The following GNB1L variants were observed in gnomAD, a reference collection of about 807,000 sequenced individuals.
GNB1L encodes the protein guanine nucleotide-binding protein subunit beta-like protein 1.
Under a neutral mutation model 29.1 loss-of-function variants are expected in GNB1L, and 20 were observed. That is an observed-to-expected ratio of 0.69 (90% confidence interval 0.48 to 1.00). The LOEUF (loss-of-function observed/expected upper bound fraction) is 1.00. GNB1L is among the 50% of genes least tolerant of loss of function. The pLI is 0.00. For missense variants in GNB1L, 421 were observed against 464.9 expected, an observed-to-expected ratio of 0.91 and a Z score of 0.87; for synonymous variants, 193 against 206.5, an observed-to-expected ratio of 0.93 and a Z score of 0.56.
At chr22:19,805,607 C>T (rs1435677703) in intron 6 of GNB1L, among the ~76,000 whole-genome samples, 1 of 152,062 alleles carries the variant, frequency 6.6e-6, no homozygotes, top group Non-Finnish European at 1.5e-5. Flanking sequence ...ATGGTGAAAC[C>T]CCGGCTCTAC....
chr22:19,850,966 A>T (rs1037899048), intron 2 of GNB1L: 2 of 1,385,998 alleles, frequency 1.4e-6, no homozygotes, highest in Non-Finnish European at 1.9e-6. Flanking sequence ...GGGAAAGGGC[A>T]CAGGGCGGAG....
chr22:19,850,972 C>G lies in GNB1L; in HGVS notation c.-21+3471G>C. On this transcript the variant is annotated intron_variant, in intron 2 of 7. Coordinates refer to ENST00000329517, the MANE Select transcript of GNB1L (RefSeq NM_053004.3). Reference sequence around the variant, plus strand: ...CCAGCAGCAGGGAAAGGGCACAGGGCGGAGGTCAAGCTCTGCTGGAGTTGG... The same window carrying G: ...CCAGCAGCAGGGAAAGGGCACAGGGGGGAGGTCAAGCTCTGCTGGAGTTGG... The G allele has an allele frequency of 2.8e-6, 4 of 1,404,948 alleles. No individual in the cohort carries two copies. In the South Asian group the frequency reaches 6.9e-5, roughly 24 times the overall value. The allele number at this position is 1,404,948 out of a possible 1,614,324, so 87.0% of individuals were successfully genotyped here.
chr22:19,792,967 A>G, intron 7 of GNB1L: 1 of 1,465,706 alleles, frequency 6.8e-7, no homozygotes, highest in Non-Finnish European at 9.4e-7. Context: ...ATCAGGACCA[A>G]TTACAATGAC....
chr22:19,814,976 C>T (rs779333850), intron 4 of GNB1L, among the ~76,000 whole-genome samples: 10 of 151,516 alleles, frequency 6.6e-5, no homozygotes, highest in Non-Finnish European at 1.5e-4. Context: ...ATTGAGGCTG[C>T]TGTGAGCTGT....
chr22:19,829,213 G>A (rs1937647062), intron 2 of GNB1L, among the ~76,000 whole-genome samples: 1 of 152,122 alleles, frequency 6.6e-6, no homozygotes, highest in African/African-American at 2.4e-5. Flanking sequence ...CAACCAACAA[G>A]GTAGATACTA....
rs151279440 is a variant in GNB1L at position 19,822,504 on chromosome 22, T to C, written c.-20-1129A>G. On this transcript the variant is annotated intron_variant, in intron 2 of 7. Coordinates refer to ENST00000329517, the MANE Select transcript of GNB1L (RefSeq NM_053004.3). ...CTGGAGCCAGAAGCGACCAGCTCCATGTCTGTCTGCCTGCAGACCCTGAGC... is the reference window on the plus strand; with the variant it reads ...CTGGAGCCAGAAGCGACCAGCTCCACGTCTGTCTGCCTGCAGACCCTGAGC... Among the ~76,000 whole-genome samples the C allele has an allele frequency of 1.2e-3, 186 of 152,272 alleles. 5 individuals are homozygous for C. The East Asian group carries it at 0.032, about 26-fold the overall frequency.
chr22:19,800,528 T>A (rs1252284433), intron 7 of GNB1L, among the ~76,000 whole-genome samples: 1 of 152,186 alleles, frequency 6.6e-6, no homozygotes, highest in Non-Finnish European at 1.5e-5. Context: ...CCAGAGTGGC[T>A]CTGCCTCCCA....
intron 5 of GNB1L, among the ~76,000 whole-genome samples, chr22:19,809,339 C>A (rs1303561309): frequency 6.6e-6 from 1 of 152,070 alleles, no homozygotes; most frequent in Non-Finnish European, 1.5e-5. Context: ...CACCCAGCAG[C>A]CCAACTCCAG....
intron 2 of GNB1L, among the ~76,000 whole-genome samples, chr22:19,854,058 T>G (rs781274233): frequency 2.0e-5 from 3 of 152,308 alleles, no homozygotes; most frequent in Admixed American, 1.3e-4. Flanking sequence ...CAGGCCTGCT[T>G]TGGGCCTGAG....
rs1937182962 is a variant in GNB1L, at chr22:19,785,344, G to C, written c.*3365C>G. On this transcript the variant is annotated 3_prime_UTR_variant, in exon 8 of 8. Coordinates refer to ENST00000329517, the MANE Select transcript of GNB1L (RefSeq NM_053004.3). This position sits in a 1 kb window ranked among gnomAD's most constrained non-coding sequence, Gnocchi z 4.1. ...GAATCGCTTGAACCTGGGAATCAGA[G>C]GTTGCAGTGAGCCGAGACTGCTCCA... The C allele has an allele frequency of 6.6e-6, 1 of 152,490 alleles. No homozygotes were observed. The highest frequency in any genetic ancestry group is 2.4e-5 in the African/African-American group (1 of 41,456). The allele number at this position is 152,490 out of a possible 1,614,324, so 9.4% of individuals were successfully genotyped here.
intron 2 of GNB1L, among the ~76,000 whole-genome samples, chr22:19,844,991 G>T (rs1463499106): frequency 6.6e-6 from 1 of 152,206 alleles, no homozygotes; most frequent in Admixed American, 6.5e-5. Flanking sequence ...TGGTGCCCCT[G>T]GCCTCGGGGA....
chr22:19,853,446 G>T (rs374519712), intron 2 of GNB1L, among the ~76,000 whole-genome samples: 2 of 152,074 alleles, frequency 1.3e-5, no homozygotes, highest in East Asian at 1.9e-4. Context: ...ACTCTATCTA[G>T]CCCCCTCCCC....
At chr22:19,835,380 A>G (rs796100983) in intron 2 of GNB1L, among the ~76,000 whole-genome samples, 1 of 149,328 alleles carries the variant, frequency 6.7e-6, no homozygotes, top group African/African-American at 2.5e-5. Context: ...ATGTAAAAAA[A>G]AAAAAAAACA....
chr22:19,824,711 A>C (rs1217678807), intron 2 of GNB1L, among the ~76,000 whole-genome samples: 2 of 152,200 alleles, frequency 1.3e-5, no homozygotes, highest in Non-Finnish European at 2.9e-5. Context: ...GGGTAGGTGC[A>C]ACTGGCAGAG....
intron 2 of GNB1L, among the ~76,000 whole-genome samples, chr22:19,837,926 G>A (rs1937792628): frequency 6.6e-6 from 1 of 152,238 alleles, no homozygotes; most frequent in Admixed American, 6.5e-5. Flanking sequence ...GACCTACAGT[G>A]ACAGAAAGCA....
Position 19,785,751 on chromosome 22 carries a change from G to C in GNB1L, c.*2958C>G, listed in dbSNP as rs1477081057. On this transcript the variant is annotated 3_prime_UTR_variant, in exon 8 of 8. Coordinates refer to ENST00000329517, the MANE Select transcript of GNB1L (RefSeq NM_053004.3). The surrounding 1 kb of genome is among the most constrained non-coding windows in gnomAD (Gnocchi z 4.1). The stretch of plus-strand genomic sequence containing the variant: ...GCTGGCTCTGTTGGCGTTCCTGCCA[G>C]CCTACAGGAAGTGGCTGTTTGCTAG... The C allele has an allele frequency of 6.6e-6, 1 of 152,312 alleles. No individual in the cohort carries two copies. Among genetic ancestry groups the C allele is most frequent in the Non-Finnish European group, 1.5e-5 (1 of 68,078 alleles). The allele number at this position is 152,312 out of a possible 1,614,324, so 9.4% of individuals were successfully genotyped here.
At chr22:19,820,856 ATG>A in intron 3 of GNB1L, 133 bp from the exon 4 acceptor site, 2 of 1,108,758 alleles carry the variant, frequency 1.8e-6, no homozygotes, top group Non-Finnish European at 1.3e-6. Flanking sequence ...AGCTCTAAAT[ATG>A]AACTAAGGGC....
chr22:19,806,878 G>C (rs549857004), intron 5 of GNB1L, 121 bp from the exon 6 acceptor site: 1 of 765,914 alleles, frequency 1.3e-6, no homozygotes. Context: ...TCCCCTCCCC[G>C]TGGGCACCTG....
intron 2 of GNB1L, among the ~76,000 whole-genome samples, chr22:19,823,652 C>T (rs992213264): frequency 1.8e-4 from 28 of 152,214 alleles, no homozygotes; most frequent in Non-Finnish European, 4.0e-4. Context: ...CACCTCTACA[C>T]AGGCTCCCCT....
Sources: allele counts gnomAD v4.1 joint callset (sites outside exome capture counted in the v4.1 genomes callset), GRCh38; gene constraint gnomAD v4.1.1; non-coding constraint Gnocchi (gnomAD v3.1); transcripts MANE v1.5; gene names NCBI Gene and HGNC (gene_info 2026-07-23, HGNC 2026-07-21).